RBM20: variants seen among roughly 807,000 people sequenced by gnomAD.
RBM20 encodes the protein RNA binding motif protein 20.
A neutral mutation model predicts 110.1 loss-of-function variants in RBM20; 51 were observed. The observed-to-expected ratio is 0.46, with a 90% CI of 0.37 to 0.59. The LOEUF (loss-of-function observed/expected upper bound fraction) is 0.59, where lower values mean the gene tolerates loss of function less well. RBM20 is among the 20% of genes least tolerant of loss of function. RBM20 has a pLI of 0.00. For missense variants in RBM20, 1,512 were observed against 1,574.9 expected, an observed-to-expected ratio of 0.96 and a Z score of 0.68; for synonymous variants, 589 against 618.2, an observed-to-expected ratio of 0.95 and a Z score of 0.70.
chr10:110,745,237 AC>A, intron 1 of RBM20, among the ~76,000 whole-genome samples: 1 of 152,278 alleles, frequency 6.6e-6, no homozygotes, highest in South Asian at 2.1e-4. Context: ...TAGCCTGAAT[AC>A]CACCATGGCA....
chr10:110,680,315 G>A (rs1406882683), intron 1 of RBM20, among the ~76,000 whole-genome samples: 1 of 152,178 alleles, frequency 6.6e-6, no homozygotes, highest in Admixed American at 6.5e-5. Flanking sequence ...ACTGGCCAGG[G>A]AAGGCCCACA....
intron 1 of RBM20, among the ~76,000 whole-genome samples, chr10:110,768,691 G>A (rs570894904): frequency 6.6e-6 from 1 of 152,284 alleles, no homozygotes; most frequent in Non-Finnish European, 1.5e-5. Flanking sequence ...AGCCACATAG[G>A]CACTTGGGAG....
intron 1 of RBM20, among the ~76,000 whole-genome samples, chr10:110,675,481 A>G (rs1205128468): frequency 2.0e-5 from 3 of 152,236 alleles, no homozygotes; most frequent in African/African-American, 4.8e-5. Flanking sequence ...CTTATGGAAC[A>G]GATAACAATT....
chr10:110,667,340 AC>A (rs1862193289), intron 1 of RBM20, among the ~76,000 whole-genome samples: 1 of 152,220 alleles, frequency 6.6e-6, no homozygotes, highest in Admixed American at 6.5e-5. Context: ...ACCTTGGGCC[AC>A]CTTGCCTAAG....
intron 1 of RBM20, among the ~76,000 whole-genome samples, chr10:110,770,668 C>A (rs939080675): frequency 3.3e-5 from 5 of 152,196 alleles, no homozygotes; most frequent in African/African-American, 1.2e-4. Context: ...AATTTTAATT[C>A]TTTAAAATTA....
chr10:110,678,539 C>T (rs938546464), intron 1 of RBM20, among the ~76,000 whole-genome samples: 17 of 152,184 alleles, frequency 1.1e-4, no homozygotes, highest in African/African-American at 3.9e-4. Context: ...TGGGAAGGTA[C>T]AGTTTGGTTT....
intron 1 of RBM20, among the ~76,000 whole-genome samples, chr10:110,763,629 A>G (rs1844036803): frequency 6.6e-6 from 1 of 151,766 alleles, no homozygotes. Context: ...GGAGAAAAGT[A>G]AAAAAAAGTT....
intron 1 of RBM20, among the ~76,000 whole-genome samples, chr10:110,726,904 T>A (rs1345405063): frequency 6.6e-6 from 1 of 152,200 alleles, no homozygotes; most frequent in African/African-American, 2.4e-5. Context: ...TGGAGTGCAA[T>A]GGTGCAACCT....
At chr10:110,809,505 A>G (rs375564533) in intron 7 of RBM20, among the ~76,000 whole-genome samples, 110 of 152,008 alleles carry the variant, frequency 7.2e-4, no homozygotes, top group African/African-American at 2.3e-3. Context: ...ATCATTTATT[A>G]TTTATTTATT....
At chr10:110,707,472 G>C (rs892504819) in intron 1 of RBM20, among the ~76,000 whole-genome samples, 1 of 152,170 alleles carries the variant, frequency 6.6e-6, no homozygotes, top group African/African-American at 2.4e-5. Context: ...CCATTCTGCT[G>C]ATTTATTTCC....
intron 1 of RBM20, among the ~76,000 whole-genome samples, chr10:110,766,222 A>G (rs1844080393): frequency 1.3e-5 from 2 of 152,212 alleles, no homozygotes; most frequent in Non-Finnish European, 2.9e-5. Context: ...CTAAGAAAAT[A>G]TCTAGAATGG....
chr10:110,733,043 C>T (rs1334892401), intron 1 of RBM20, among the ~76,000 whole-genome samples: 6 of 152,190 alleles, frequency 3.9e-5, no homozygotes, highest in African/African-American at 1.4e-4. Context: ...CATCCTAATT[C>T]TGTCAAGATT....
Position 110,836,108 on chromosome 10 carries a change from T to C in RBM20, c.*130T>C. 1.8e-6 allele frequency: 1 copy of C among 550,246 alleles called. No individual in the cohort carries two copies. The highest frequency in any genetic ancestry group is 2.5e-5 in the South Asian group (1 of 39,454). 34.1% of individuals were successfully genotyped at this position (550,246 alleles called of 1,614,324 possible). The stretch of plus-strand genomic sequence containing the variant: ...AGGAAAACCAAGCAGGGCACATTGC[T>C]TGGGCTTGTTCCCAGAGACTCAGTG... On this transcript the variant is annotated 3_prime_UTR_variant, in exon 14 of 14. Transcript: ENST00000369519.
chr10:110,824,902 A>G (rs748572484), intron 12 of RBM20, among the ~76,000 whole-genome samples: 4 of 152,202 alleles, frequency 2.6e-5, no homozygotes, highest in Non-Finnish European at 4.4e-5. Flanking sequence ...GTGTCTGATC[A>G]TGCAGGGAGG....
At chr10:110,766,874 G>A (rs1424508125) in intron 1 of RBM20, among the ~76,000 whole-genome samples, 2 of 146,700 alleles carry the variant, frequency 1.4e-5, no homozygotes, top group Non-Finnish European at 3.0e-5. Context: ...GCCGGGCAGA[G>A]GGGCTCCTCA....
At chr10:110,761,470 A>G (rs536575377) in intron 1 of RBM20, among the ~76,000 whole-genome samples, 16 of 130,292 alleles carry the variant, frequency 1.2e-4, no homozygotes, top group African/African-American at 4.2e-4. Context: ...GCAGCATAGT[A>G]TGTCCTTAAG....
intron 1 of RBM20, among the ~76,000 whole-genome samples, chr10:110,708,113 C>A (rs1371840159): frequency 1.3e-5 from 2 of 152,218 alleles, no homozygotes; most frequent in East Asian, 3.8e-4. Flanking sequence ...GCTAGCTTCA[C>A]TGGCAGGTGA....
intron 1 of RBM20, among the ~76,000 whole-genome samples, chr10:110,716,741 G>C (rs1204201220): frequency 6.6e-6 from 1 of 151,780 alleles, no homozygotes; most frequent in East Asian, 1.9e-4. Context: ...GTGAAACCCT[G>C]TCTCTACTAA....
In RBM20 at chr10:110,800,637, T is replaced by A. The variant is rs1844610256; in HGVS notation, c.1800+719T>A. Reference sequence around the variant, plus strand: ...GACAGCATCCAGAAGCTCCCGTGAGTCCCTCCTCCTGTTCAACCCCTCCCT... The same window carrying A: ...GACAGCATCCAGAAGCTCCCGTGAGACCCTCCTCCTGTTCAACCCCTCCCT... On this transcript the variant is annotated intron_variant, in intron 7 of 13. Transcript: ENST00000369519. Among the ~76,000 whole-genome samples the A allele has an allele frequency of 2.6e-5, 4 of 152,090 alleles. No homozygotes were observed. The South Asian group carries it at 6.2e-4, about 24-fold the overall frequency.
Sources: gnomAD v4.1 joint callset for allele counts (sites outside exome capture counted in the v4.1 genomes callset) on GRCh38, gnomAD v4.1.1 for gene constraint, MANE v1.5 for transcripts, NCBI Gene and HGNC (gene_info 2026-07-23, HGNC 2026-07-21) for gene names.